The following WWC1 variants were observed in gnomAD, a reference collection of about 807,000 sequenced individuals.
WWC1 encodes protein KIBRA.
A neutral mutation model predicts 138.4 loss-of-function variants in WWC1; 55 were observed. The observed-to-expected ratio is 0.40, with a 90% CI of 0.32 to 0.50. The LOEUF is 0.50. WWC1 is among the 20% of genes least tolerant of loss of function. The probability of loss-of-function intolerance (pLI) is 0.72; values close to 1 mark genes in which losing one functional copy is unlikely to be tolerated. For synonymous variants in WWC1, 524 were observed against 564.9 expected, an observed-to-expected ratio of 0.93 and a Z score of 1.03; for missense variants, 1,226 against 1,420.4, an observed-to-expected ratio of 0.86 and a Z score of 2.20.
intron 20 of WWC1, among the ~76,000 whole-genome samples, chr5:168,462,416 G>A (rs1024912717): frequency 3.9e-5 from 6 of 152,088 alleles, no homozygotes; most frequent in Admixed American, 3.9e-4. Context: ...AGCACCAAAA[G>A]TTACCTGGGG....
At chr5:168,412,474 GAA>G (rs1368241267) in intron 8 of WWC1, among the ~76,000 whole-genome samples, 1 of 152,210 alleles carries the variant, frequency 6.6e-6, no homozygotes, top group Non-Finnish European at 1.5e-5. Context: ...TAGGGAAAGA[GAA>G]AGTATATCCA....
At position 168,295,483 on chromosome 5, in the gene WWC1, C is replaced by CGTGTGTGTGTGTGT. The variant is rs3138761; in HGVS notation, c.119+3235_119+3248dup. On this transcript the variant is annotated intron_variant, in intron 1 of 22. Transcript: ENST00000265293. The stretch of plus-strand genomic sequence containing the variant: ...AAAATTGCACTAAAAATTTCTACTC[C>CGTGTGTGTGTGTGT]GTGTGTGTGTGTGTGTGTGTGTGTG... 8.0e-3 allele frequency among the ~76,000 whole-genome samples: 1,141 copies of CGTGTGTGTGTGTGT among 142,546 alleles called. 22 individuals are homozygous for CGTGTGTGTGTGTGT. The highest frequency in any genetic ancestry group is 0.026 in the African/African-American group (970 of 37,828). 93.5% of individuals were successfully genotyped at this position (142,546 alleles called of 152,430 possible). A position where few individuals can be genotyped will look rare whatever the true frequency, so the allele number is the denominator to read the frequency against.
intron 16 of WWC1, 104 bp from the exon 17 acceptor site, chr5:168,444,390 C>T (rs1755048885): frequency 1.7e-6 from 2 of 1,173,604 alleles, no homozygotes. Flanking sequence ...TTGGTTTCAC[C>T]ATCAATTCAC....
rs1316389758 is a variant in WWC1, at chr5:168,463,306, G to A, written c.2917-1423G>A. On this transcript the variant is annotated intron_variant, in intron 20 of 22. Coordinates refer to ENST00000265293, the MANE Select transcript of WWC1 (RefSeq NM_015238.3). ...TTGACTAAGGAAACATCTGATCCAG[G>A]CACTGCCTCCAGATGTTGGCAGAAT... Among the ~76,000 whole-genome samples, 4 of 152,152 alleles carry A rather than the reference G, an allele frequency of 2.6e-5. No individual in the cohort carries two copies. The South Asian group carries it at 6.2e-4, about 24-fold the overall frequency.
At chr5:168,434,137 G>T (rs1782156459) in intron 15 of WWC1, among the ~76,000 whole-genome samples, 1 of 152,226 alleles carries the variant, frequency 6.6e-6, no homozygotes, top group African/African-American at 2.4e-5. Context: ...TAAGCGAGAA[G>T]AGGCTCAATC....
chr5:168,468,045 T>C (rs1757445664), intron 22 of WWC1, 81 bp downstream of exon 22: 11 of 1,576,628 alleles, frequency 7.0e-6, no homozygotes, highest in Non-Finnish European at 9.5e-6. Context: ...GTCTTACTGC[T>C]CTCATCCCTT....
At chr5:168,396,227 T>C (rs557855949) in intron 3 of WWC1, among the ~76,000 whole-genome samples, 1 of 152,234 alleles carries the variant, frequency 6.6e-6, no homozygotes, top group East Asian at 1.9e-4. Context: ...CTGCTAAAAA[T>C]ACAAAATTAT....
At chr5:168,377,135 A>C (rs1777239784) in intron 2 of WWC1, among the ~76,000 whole-genome samples, 1 of 152,190 alleles carries the variant, frequency 6.6e-6, no homozygotes, top group South Asian at 2.1e-4. Flanking sequence ...GCACACCTAC[A>C]GCTATTTGAT....
chr5:168,343,830 AAAAAGTT>A lies in WWC1; in HGVS notation c.120-27593_120-27587del, dbSNP rs369398581. Among the ~76,000 whole-genome samples, 460 of 152,132 alleles carry A rather than the reference AAAAAGTT, an allele frequency of 3.0e-3. 8 individuals are homozygous for A. The highest frequency in any genetic ancestry group is 0.011 in the African/African-American group (445 of 41,486). ...AGACTATGTCTCAAAAAAAAAAAAA[AAAAAGTT>A]GAACTTTTGCTTCTGGGATGTTTAT... is the stretch of plus-strand genomic sequence containing the variant. On this transcript the variant is annotated intron_variant, in intron 1 of 22. Transcript: ENST00000265293.
At chr5:168,468,136 G>A (rs1423014134) in intron 22 of WWC1, among the ~76,000 whole-genome samples, 172 bp downstream of exon 22, 10 of 152,236 alleles carry the variant, frequency 6.6e-5, no homozygotes, top group East Asian at 5.8e-4. Flanking sequence ...GCTCTGCAGC[G>A]CTCTTCCCTT....
chr5:168,421,897 T>G, intron 9 of WWC1, 111 bp from the exon 10 acceptor site: 1 of 834,400 alleles, frequency 1.2e-6, no homozygotes, highest in South Asian at 1.4e-5. Context: ...GATGCCGTGG[T>G]CAAATGCTTT....
In WWC1 at chr5:168,292,369, C is replaced by T. The variant is rs1200808668; in HGVS notation, c.119+98C>T. ...CCGGGACTGGGAGGGGGCAGGGGAG[C>T]TCTGCGTGCCTCTTGAGCTCTCTTC... On this transcript the variant is annotated intron_variant, in intron 1 of 22. Transcript: ENST00000265293. This position sits in a 1 kb window ranked among gnomAD's most constrained non-coding sequence, Gnocchi z 4.4. 2.2e-6 allele frequency: 3 copies of T among 1,371,954 alleles called. No homozygotes were observed. The African/African-American group carries it at 4.5e-5, about 21-fold the overall frequency. 85.0% of individuals were successfully genotyped at this position (1,371,954 alleles called of 1,614,324 possible).
At chr5:168,297,603 G>A (rs940812005) in intron 1 of WWC1, among the ~76,000 whole-genome samples, 4 of 139,222 alleles carry the variant, frequency 2.9e-5, no homozygotes, top group African/African-American at 1.1e-4. Flanking sequence ...TCCATCCTGG[G>A]CAACAAGAGC....
At chr5:168,426,800 C>T (rs147164668) in intron 11 of WWC1, among the ~76,000 whole-genome samples, 385 of 152,340 alleles carry the variant, frequency 2.5e-3, no homozygotes, top group African/African-American at 8.1e-3. Flanking sequence ...TGCCCTGCTC[C>T]GGTCTGCCCG....
At position 168,468,056 on chromosome 5, in the gene WWC1, G is replaced by A. The variant is rs554215668; in HGVS notation, c.3275+92G>A. The A allele has an allele frequency of 2.4e-5, 38 of 1,557,996 alleles. No homozygotes were observed. The African/African-American group carries it at 4.9e-4, about 20-fold the overall frequency. On this transcript the variant is annotated intron_variant, in intron 22 of 22. Transcript: ENST00000265293. ...TGTGGTCTTACTGCTCTCATCCCTT[G>A]CTCACAGAGCACTGGCTTTCCCTGT...
intron 17 of WWC1, among the ~76,000 whole-genome samples, chr5:168,451,072 G>A (rs1298814818): frequency 1.3e-5 from 1 of 74,164 alleles, no homozygotes; most frequent in Non-Finnish European, 4.2e-5. Context: ...CTGCGATCTC[G>A]GCTCACTGCA....
intron 1 of WWC1, among the ~76,000 whole-genome samples, chr5:168,330,804 GTGGATGAAGAGT>G (rs1185032290): frequency 6.6e-6 from 1 of 152,178 alleles, no homozygotes; most frequent in East Asian, 1.9e-4. Context: ...GAAGCCAGAG[GTGGATGAAGAGT>G]TGGCCACACC....
chr5:168,438,805 A>C (rs1162033931), intron 15 of WWC1, among the ~76,000 whole-genome samples: 4 of 152,116 alleles, frequency 2.6e-5, no homozygotes, highest in African/African-American at 9.7e-5. Flanking sequence ...GAAAAAAAAA[A>C]CAGTAAAAAT....
chr5:168,419,147 C>T (rs1780886917), intron 9 of WWC1, among the ~76,000 whole-genome samples: 2 of 152,136 alleles, frequency 1.3e-5, no homozygotes, highest in African/African-American at 4.8e-5. Flanking sequence ...GATGGCATGA[C>T]TTGGCTTTTC....
Sources: gnomAD v4.1 joint callset for allele counts (sites outside exome capture counted in the v4.1 genomes callset) on GRCh38, gnomAD v4.1.1 for gene constraint, Gnocchi (gnomAD v3.1) non-coding constraint, MANE v1.5 for transcripts, NCBI Gene and HGNC (gene_info 2026-07-23, HGNC 2026-07-21) for gene names.